The following SLC9A2 variants were observed in gnomAD, a reference collection of about 807,000 sequenced individuals.
SLC9A2 encodes solute carrier family 9 member A2.
A neutral mutation model predicts 71.7 loss-of-function variants in SLC9A2; 42 were observed. The ratio of observed to expected loss-of-function variants is 0.59; its 90% confidence interval spans 0.46 to 0.76. SLC9A2 has a LOEUF of 0.76. Ranked by LOEUF, SLC9A2 falls within the 30% of genes least tolerant of loss-of-function variation. The probability of loss-of-function intolerance (pLI) is 0.00; values close to 1 mark genes in which losing one functional copy is unlikely to be tolerated. For missense variants in SLC9A2, 829 were observed against 1,017.4 expected, an observed-to-expected ratio of 0.81 and a Z score of 2.52; for synonymous variants, 396 against 392.5, an observed-to-expected ratio of 1.01 and a Z score of -0.10.
At chr2:102,667,692 T>C (rs1677167136) in intron 3 of SLC9A2, among the ~76,000 whole-genome samples, 1 of 152,160 alleles carries the variant, frequency 6.6e-6, no homozygotes, top group African/African-American at 2.4e-5. Flanking sequence ...TCTGCTGTGG[T>C]TCGTGGGCCT....
In SLC9A2 at chr2:102,620,010, C is replaced by G. The variant is rs544365552; in HGVS notation, c.162C>G (p.Ser54Arg). Residue 54 changes from serine to arginine, a missense_variant, in exon 1 of 12, where the codon AGC (serine) becomes AGG (arginine). Physicochemically the swap from Ser to Arg is moderately radical, Grantham distance 110. This residue lies in a region of SLC9A2 where 106 missense variants were observed against 93.5 expected (regional missense o/e 1.13). Coordinates refer to ENST00000233969, the MANE Select transcript of SLC9A2 (RefSeq NM_003048.6). ...GTTCCAGCCCGCCTAGCCCTGCGAG[C>G]GTGGTGGCTCCCGGAACGACGCTGT... ...GTSSSPPSPA[S>R]VVAPGTTLFE... The G allele has an allele frequency of 2.5e-6, 4 of 1,614,088 alleles. No individual in the cohort carries two copies. In the Admixed American group the frequency reaches 6.7e-5, roughly 27 times the overall value.
intron 1 of SLC9A2, among the ~76,000 whole-genome samples, chr2:102,655,807 C>CAGTCT (rs1209461088): frequency 6.6e-6 from 1 of 152,194 alleles, no homozygotes; most frequent in African/African-American, 2.4e-5. Flanking sequence ...AGAGGCTGGG[C>CAGTCT]AGTCTAAGCT....
chr2:102,663,378 T>G (rs1381016895), intron 2 of SLC9A2, among the ~76,000 whole-genome samples: 1 of 152,234 alleles, frequency 6.6e-6, no homozygotes, highest in African/African-American at 2.4e-5. Flanking sequence ...TGCCATCTAC[T>G]AGGCAACTTG....
At chr2:102,697,478 A>G (rs1468077684) in intron 7 of SLC9A2, 2 of 151,876 alleles carry the variant, frequency 1.3e-5, no homozygotes, top group South Asian at 2.1e-4. Flanking sequence ...GTAATGTTAC[A>G]TGGCTAGCAT....
At chr2:102,693,719 A>T (rs1202633225) in intron 5 of SLC9A2, among the ~76,000 whole-genome samples, 1 of 152,140 alleles carries the variant, frequency 6.6e-6, no homozygotes, top group Non-Finnish European at 1.5e-5. Context: ...TAGCCCTGTC[A>T]TCCCTCTTCT....
intron 3 of SLC9A2, among the ~76,000 whole-genome samples, chr2:102,669,469 A>G (rs1243553015): frequency 2.0e-5 from 3 of 152,218 alleles, no homozygotes; most frequent in Non-Finnish European, 4.4e-5. Context: ...GTGTGCATAC[A>G]TATGTGTGTT....
rs1204919661 is a variant in SLC9A2, at chr2:102,710,416, A to T, written c.*1927A>T. On this transcript the variant is annotated 3_prime_UTR_variant, in exon 12 of 12. Transcript: ENST00000233969. ...GTGACCTTAAAGAATAAATTTCCTA[A>T]TTTTTCCCAGTTTCCTATGTTTATA... is the stretch of plus-strand genomic sequence containing the variant. The T allele has an allele frequency of 1.3e-5, 2 of 151,358 alleles. No individual in the cohort carries two copies. The highest frequency in any genetic ancestry group is 3.0e-5 in the Non-Finnish European group (2 of 67,706). The allele number at this position is 151,358 out of a possible 1,614,324, so 9.4% of individuals were successfully genotyped here.
rs376788341 is a variant in SLC9A2 at position 102,708,078 on chromosome 2, C to T, written c.2069-41C>T. On this transcript the variant is annotated intron_variant, in intron 11 of 11. Coordinates refer to ENST00000233969, the MANE Select transcript of SLC9A2 (RefSeq NM_003048.6). Reference sequence around the variant, plus strand: ...ACTGAAGTTACTTGCAATGCCTTCTCTCTAAAATGCTTGCCCACCTTGTCT... The same window carrying T: ...ACTGAAGTTACTTGCAATGCCTTCTTTCTAAAATGCTTGCCCACCTTGTCT... The T allele has an allele frequency of 4.5e-5, 71 of 1,579,108 alleles. No homozygotes were observed. In the South Asian group the frequency reaches 7.2e-4, roughly 16 times the overall value.
chr2:102,706,691 C>CCAAT (rs1677983853), intron 11 of SLC9A2, among the ~76,000 whole-genome samples: 1 of 152,156 alleles, frequency 6.6e-6, no homozygotes, highest in Non-Finnish European at 1.5e-5. Context: ...TCTAAAGAAT[C>CCAAT]CAATCAGTTA....
chr2:102,626,536 C>T (rs563079258), intron 1 of SLC9A2, among the ~76,000 whole-genome samples: 24 of 152,190 alleles, frequency 1.6e-4, no homozygotes, highest in East Asian at 1.2e-3. Flanking sequence ...TCTAAAACAC[C>T]GAAAGCAATG....
At position 102,705,880 on chromosome 2, in the gene SLC9A2, C is replaced by T; in HGVS notation, c.2012C>T (p.Pro671Leu). The change falls in exon 11 of 12, where the codon CCT (proline) becomes CTT (leucine). Residue 671 changes from proline to leucine, a missense_variant. Transcript: ENST00000233969. ...TCAACCTCCCGATATTTATCCTTAC[C>T]TAAAAATACGAAGCTTCCAGAAAAG... ...STSTSRYLSL[P>L]KNTKLPEKLQ... 6.2e-7 allele frequency: 1 copy of T among 1,603,794 alleles called. No individual in the cohort carries two copies. The highest frequency in any genetic ancestry group is 1.1e-5 in the South Asian group (1 of 89,190).
At chr2:102,680,616 T>C (rs770268331) in intron 3 of SLC9A2, among the ~76,000 whole-genome samples, 1 of 152,074 alleles carries the variant, frequency 6.6e-6, no homozygotes, top group African/African-American at 2.4e-5. Context: ...TGGTTCAGGA[T>C]ACAGTTTAGG....
intron 1 of SLC9A2, among the ~76,000 whole-genome samples, chr2:102,623,215 C>T (rs1676177557): frequency 6.6e-6 from 1 of 152,126 alleles, no homozygotes; most frequent in Admixed American, 6.5e-5. Context: ...ACTACTTTAC[C>T]TTTCCTTTCT....
intron 7 of SLC9A2, among the ~76,000 whole-genome samples, chr2:102,696,907 C>A (rs1361033804): frequency 6.6e-6 from 1 of 152,096 alleles, no homozygotes. Flanking sequence ...AGGTGGTAGA[C>A]CAGAGATCCT....
chr2:102,676,195 A>T (rs1384563932), intron 3 of SLC9A2, among the ~76,000 whole-genome samples: 2 of 152,196 alleles, frequency 1.3e-5, no homozygotes, highest in African/African-American at 4.8e-5. Flanking sequence ...CCCCACCTGT[A>T]GCCCACATAG....
chr2:102,625,380 T>G (rs1452469174), intron 1 of SLC9A2, among the ~76,000 whole-genome samples: 1 of 152,186 alleles, frequency 6.6e-6, no homozygotes, highest in African/African-American at 2.4e-5. Context: ...TGCAGGTTTG[T>G]TACATATGTA....
intron 6 of SLC9A2, among the ~76,000 whole-genome samples, chr2:102,694,746 C>T (rs902280049): frequency 1.3e-4 from 20 of 152,138 alleles, no homozygotes; most frequent in African/African-American, 4.3e-4. Flanking sequence ...CCTCTTCTTA[C>T]TTCCTTTAGC....
intron 5 of SLC9A2, among the ~76,000 whole-genome samples, chr2:102,691,166 T>G (rs1677654654): frequency 6.6e-6 from 1 of 152,210 alleles, no homozygotes; most frequent in Non-Finnish European, 1.5e-5. Context: ...TACATGATTC[T>G]CCCAGGCAGG....
chr2:102,657,873 G>A lies in SLC9A2; in HGVS notation c.599G>A (p.Ser200Asn), dbSNP rs1391280119. The A allele has an allele frequency of 1.2e-6, 2 of 1,614,240 alleles. No individual in the cohort carries two copies. The highest frequency in any genetic ancestry group is 2.2e-5 in the East Asian group (1 of 44,884). The change falls in exon 2 of 12, where the codon AGC (serine) becomes AAC (asparagine). Residue 200 changes from serine (S) to asparagine (N), a missense_variant. This residue lies in a region of SLC9A2 where 500 missense variants were observed against 726.3 expected (regional missense o/e 0.69). Coordinates refer to ENST00000233969, the MANE Select transcript of SLC9A2 (RefSeq NM_003048.6). ...GICQIEAFGLSDITLLQNLLF... is the reference protein window; with the variant it reads ...GICQIEAFGLNDITLLQNLLF... ...TGCCAGATCGAAGCATTCGGCCTCA[G>A]CGACATCACTTTGCTCCAGAACCTG...
Sources: gnomAD v4.1 joint callset for allele counts (sites outside exome capture counted in the v4.1 genomes callset) on GRCh38, gnomAD v4.1.1 for gene constraint, gnomAD v4.1.1 regional missense constraint, MANE v1.5 for transcripts, NCBI Gene and HGNC (gene_info 2026-07-23, HGNC 2026-07-21) for gene names.